KCNH3: variants seen among roughly 807,000 people sequenced by gnomAD.
KCNH3 encodes voltage-gated inwardly rectifying potassium channel KCNH3.
KCNH3 carries 36 observed loss-of-function variants against 95.6 expected under a neutral mutation model. The ratio of observed to expected loss-of-function variants is 0.38; its 90% CI spans 0.29 to 0.50. KCNH3 has a LOEUF of 0.50. Among genes scored for constraint, KCNH3 ranks in the 20% least tolerant of loss-of-function variants. The probability of loss-of-function intolerance (pLI) is 0.95; values close to 1 mark genes in which losing one functional copy is unlikely to be tolerated. For missense variants in KCNH3, 1,030 were observed against 1,484.1 expected (o/e 0.69, Z 5.03); for synonymous variants, 620 against 646.3 (o/e 0.96, Z 0.62).
Position 49,556,332 on chromosome 12 carries a change from T to G in KCNH3, c.2469-38T>G, listed in dbSNP as rs201968987. 3.7e-3 allele frequency: 5,459 copies of G among 1,476,356 alleles called. 20 individuals are homozygous for G. Among genetic ancestry groups the G allele is most frequent in the South Asian group, 6.0e-3 (534 of 88,330 alleles). The allele number at this position is 1,476,356 out of a possible 1,614,324, so 91.5% of individuals were successfully genotyped here. Reference sequence around the variant, plus strand: ...CCCGTATGACCCCACAGTGGCTGCCTGTCCATTGATTTGTTGTCCTGGTAC... The same window carrying G: ...CCCGTATGACCCCACAGTGGCTGCCGGTCCATTGATTTGTTGTCCTGGTAC... On this transcript the variant is annotated intron_variant, in intron 12 of 14. Coordinates refer to ENST00000257981, the MANE Select transcript of KCNH3 (RefSeq NM_012284.3).
intron 7 of KCNH3, among the ~76,000 whole-genome samples, chr12:49,548,252 G>A (rs1003485107): frequency 2.6e-5 from 4 of 152,236 alleles, no homozygotes; most frequent in South Asian, 4.1e-4. Context: ...TCTCCCAAGT[G>A]TGCACAGCCT....
At chr12:49,548,140 G>GCA (rs1360695983) in intron 7 of KCNH3, among the ~76,000 whole-genome samples, 2 of 151,970 alleles carry the variant, frequency 1.3e-5, no homozygotes, top group Non-Finnish European at 2.9e-5. Context: ...GTGTGCGCGC[G>GCA]CACCTGTGTG....
intron 1 of KCNH3, among the ~76,000 whole-genome samples, 167 bp from the exon 2 acceptor site, chr12:49,540,732 C>G (rs543402902): frequency 6.6e-6 from 1 of 152,386 alleles, no homozygotes; most frequent in South Asian, 2.1e-4. Context: ...CACTGACAAA[C>G]AGGTGACACA....
intron 9 of KCNH3, 37 bp from the exon 10 acceptor site, chr12:49,550,043 T>TGGCCACCCCC: frequency 3.8e-6 from 5 of 1,299,532 alleles, no homozygotes; most frequent in Non-Finnish European, 5.3e-6. Context: ...CTTCTGCCAC[T>TGGCCACCCCC]CCCAACCCCC....
chr12:49,554,783 C>A (rs922787065), intron 11 of KCNH3, among the ~76,000 whole-genome samples: 1 of 152,178 alleles, frequency 6.6e-6, no homozygotes, highest in African/African-American at 2.4e-5. Flanking sequence ...GCAGCCTTAC[C>A]CTGTCCAGAG....
chr12:49,548,358 G>A (rs1182352810), intron 7 of KCNH3, among the ~76,000 whole-genome samples: 3 of 152,176 alleles, frequency 2.0e-5, no homozygotes, highest in African/African-American at 2.4e-5. Context: ...TTAACAGTGT[G>A]TGTGCATGTC....
intron 7 of KCNH3, among the ~76,000 whole-genome samples, chr12:49,548,245 C>T (rs1292258089): frequency 6.6e-6 from 1 of 152,046 alleles, no homozygotes; most frequent in Non-Finnish European, 1.5e-5. Context: ...TTGTCCCTCT[C>T]CCAAGTGTGC....
Position 49,555,965 on chromosome 12 carries a change from A to C in KCNH3, c.2468+14A>C. On this transcript the variant is annotated intron_variant, in intron 12 of 14. Coordinates refer to ENST00000257981, the MANE Select transcript of KCNH3 (RefSeq NM_012284.3). The stretch of plus-strand genomic sequence containing the variant: ...TCTGAGCCCCAGGTGAGCAGACCCT[A>C]GGCCCCCGTGGCAGAGATGGTGGTG... The C allele has an allele frequency of 7.5e-7, 1 of 1,329,386 alleles. No individual in the cohort carries two copies. Among genetic ancestry groups the C allele is most frequent in the Admixed American group, 2.0e-5 (1 of 49,644 alleles). 82.3% of individuals were successfully genotyped at this position (1,329,386 alleles called of 1,614,324 possible).
rs776171255 is a variant in KCNH3 at position 49,550,313 on chromosome 12, C to G, written c.1902C>G (p.Thr634=). 6.2e-7 allele frequency: 1 copy of G among 1,604,394 alleles called. No homozygotes were observed. The highest frequency in any genetic ancestry group is 1.1e-5 in the South Asian group (1 of 90,934). Residue 634 remains threonine, a synonymous_variant, in exon 10 of 15, where the codon ACC becomes ACG. Coordinates refer to ENST00000257981, the MANE Select transcript of KCNH3 (RefSeq NM_012284.3). The stretch of plus-strand genomic sequence containing the variant: ...CCATGGAGGTGCTCAAGGGTGGCAC[C>G]GTGCTCGCCATCCTAGGTTTGTGAG... The part of the protein sequence containing the change: ...SGSMEVLKGG[T]VLAILGKGDL...
intron 13 of KCNH3, 51 bp from the exon 14 acceptor site, chr12:49,557,132 C>CCTAT: frequency 1.3e-6 from 2 of 1,585,240 alleles, no homozygotes; most frequent in Non-Finnish European, 1.7e-6. Flanking sequence ...CCCCAAATTG[C>CCTAT]CTATCTCCTC....
In KCNH3 at chr12:49,543,902, G is replaced by A. The variant is rs1416122311; in HGVS notation, c.824-13G>A. Reference sequence around the variant, plus strand: ...CCAGCCCCAGTGCTGACTCCCACCCGGATTCCCCACAGACATTGTGCTGAA... The same window carrying A: ...CCAGCCCCAGTGCTGACTCCCACCCAGATTCCCCACAGACATTGTGCTGAA... On this transcript the variant is annotated splice_polypyrimidine_tract_variant and intron_variant, in intron 5 of 14. Coordinates refer to ENST00000257981, the MANE Select transcript of KCNH3 (RefSeq NM_012284.3). 5.0e-6 allele frequency: 8 copies of A among 1,599,272 alleles called. No individual in the cohort carries two copies. The highest frequency in any genetic ancestry group is 6.8e-6 in the Non-Finnish European group (8 of 1,168,302).
At chr12:49,549,716 G>C (rs116944984) in intron 9 of KCNH3, 76 bp downstream of exon 9, 159 of 1,398,508 alleles carry the variant, frequency 1.1e-4, no homozygotes, top group Non-Finnish European at 1.3e-4. Flanking sequence ...TATCAGGAGT[G>C]GGGGAGGATG....
rs779137840 is a variant in KCNH3, at chr12:49,541,142, C to T, written c.310+10C>T. The T allele has an allele frequency of 1.3e-6, 2 of 1,591,294 alleles. No homozygotes were observed. Among genetic ancestry groups the T allele is most frequent in the African/African-American group, 1.3e-5 (1 of 74,676 alleles). ...CTGTACCGGAAGAGCGGTGAGGGGC[C>T]ACCTGGCCAGCCTGCCTCACCTTTG... is the stretch of plus-strand genomic sequence containing the variant. On this transcript the variant is annotated intron_variant, in intron 2 of 14. Transcript: ENST00000257981.
Position 49,539,403 on chromosome 12 carries a change from C to A in KCNH3, c.-14C>A. On this transcript the variant is annotated 5_prime_UTR_variant, in exon 1 of 15. Coordinates refer to ENST00000257981, the MANE Select transcript of KCNH3 (RefSeq NM_012284.3). The surrounding 1 kb of genome is among the most constrained non-coding windows in gnomAD (Gnocchi z 6.7). Reference sequence around the variant, plus strand: ...ACCCCGGAGGGATGGGGCGGGCAGCCGCGGGCGCCTAAGATGCCGGCCATG... The same window carrying A: ...ACCCCGGAGGGATGGGGCGGGCAGCAGCGGGCGCCTAAGATGCCGGCCATG... The A allele has an allele frequency of 2.6e-6, 4 of 1,538,070 alleles. No individual in the cohort carries two copies. Among genetic ancestry groups the A allele is most frequent in the Non-Finnish European group, 3.5e-6 (4 of 1,148,556 alleles).
Position 49,543,467 on chromosome 12 carries a change from C to G in KCNH3, c.772C>G (p.Arg258Gly). The G allele has an allele frequency of 6.2e-7, 1 of 1,601,748 alleles. No homozygotes were observed. Among genetic ancestry groups the G allele is most frequent in the Non-Finnish European group, 8.5e-7 (1 of 1,179,346 alleles). The change falls in exon 5 of 15, where the codon CGC becomes GGC. Residue 258 changes from arginine (R) to glycine (G), a missense_variant. Transcript: ENST00000257981. The stretch of plus-strand genomic sequence containing the variant: ...CACAGCACGGGAGCCCAGTGCCGCC[C>G]GCGGCCCGCCCAGCGTCTGTGACCT... ...VSTAREPSAARGPPSVCDLAV... is the reference protein window; with the variant it reads ...VSTAREPSAAGGPPSVCDLAV...
chr12:49,547,114 C>T (rs1019690777), intron 7 of KCNH3, among the ~76,000 whole-genome samples: 4 of 152,066 alleles, frequency 2.6e-5, no homozygotes, highest in Admixed American at 6.5e-5. Flanking sequence ...ACGCTGGTCT[C>T]GAACTCCTGA....
In KCNH3 at chr12:49,558,037, C is replaced by T; in HGVS notation, c.*84C>T. 1.4e-6 allele frequency: 2 copies of T among 1,392,532 alleles called. No homozygotes were observed. The highest frequency in any genetic ancestry group is 1.9e-6 in the Non-Finnish European group (2 of 1,063,098). The allele number at this position is 1,392,532 out of a possible 1,614,324, so 86.3% of individuals were successfully genotyped here. A position where few individuals can be genotyped will look rare whatever the true frequency, so the allele number is the denominator to read the frequency against. ...CTCAGAGTGAAGGCAGGGTGGCAGC[C>T]TCCCCACGGACTCCATGCGGCCCGC... On this transcript the variant is annotated 3_prime_UTR_variant, in exon 15 of 15. Transcript: ENST00000257981.
rs573186125 is a variant in KCNH3 at position 49,554,370 on chromosome 12, G to A, written c.1952G>A (p.Arg651Gln). 2.7e-5 allele frequency: 44 copies of A among 1,613,256 alleles called. No homozygotes were observed. The South Asian group carries it at 2.7e-4, about 10-fold the overall frequency. ...KGDLIGCELP[R>Q]REQVVKANAD... ...GACCTGATCGGCTGTGAGCTGCCCC[G>A]GCGGGAGCAGGTGGTAAAGGCCAAT... Residue 651 changes from arginine (R) to glutamine (Q), a missense_variant, in exon 11 of 15, where the codon CGG (arginine) becomes CAG (glutamine). By Grantham distance (43) the Arg-to-Gln change is conservative. Around this residue, in one of 9 missense-constraint regions of KCNH3, gnomAD observed 160 missense variants for 316.2 expected, o/e 0.51. Transcript: ENST00000257981.
chr12:49,555,284 C>CAAA (rs1157061451), intron 11 of KCNH3, among the ~76,000 whole-genome samples: 29 of 66,874 alleles, frequency 4.3e-4, no homozygotes, highest in African/African-American at 1.5e-3. Context: ...ACTAAAAATA[C>CAAA]AAAAAAAAAA....
Sources: allele counts gnomAD v4.1 joint callset (sites outside exome capture counted in the v4.1 genomes callset), GRCh38; gene constraint gnomAD v4.1.1; regional missense constraint gnomAD v4.1.1; non-coding constraint Gnocchi (gnomAD v3.1); transcripts MANE v1.5; gene names NCBI Gene and HGNC (gene_info 2026-07-23, HGNC 2026-07-21).